The following PDE1C variants were observed in gnomAD, a reference collection of about 807,000 sequenced individuals.
PDE1C encodes the protein phosphodiesterase 1C.
In PDE1C, 62 loss-of-function variants were observed where a neutral mutation model predicts 93.1. The ratio of observed to expected loss-of-function variants is 0.67; its 90% CI spans 0.54 to 0.82. The LOEUF is 0.82. Ranked by LOEUF, PDE1C falls within the 40% of genes least tolerant of loss-of-function variation. The pLI is 0.00. For synonymous variants in PDE1C, 325 were observed against 310.1 expected (o/e 1.05, Z -0.50); for missense variants, 742 against 884.6 (o/e 0.84, Z 2.04).
chr7:31,758,434 TG>T (rs1457862106), intron 17 of PDE1C, among the ~76,000 whole-genome samples: 10 of 152,212 alleles, frequency 6.6e-5, no homozygotes, highest in Non-Finnish European at 1.5e-4. Flanking sequence ...GAGTACCTAT[TG>T]TGTGCTATTG....
At chr7:31,883,304 G>A (rs887164799) in intron 2 of PDE1C, among the ~76,000 whole-genome samples, 4 of 152,186 alleles carry the variant, frequency 2.6e-5, no homozygotes, top group African/African-American at 9.7e-5. Context: ...GGTCTTCCAA[G>A]GGAGTGAATT....
intron 2 of PDE1C, among the ~76,000 whole-genome samples, chr7:31,986,045 G>A (rs1207471440): frequency 6.6e-6 from 1 of 152,114 alleles, no homozygotes; most frequent in Non-Finnish European, 1.5e-5. Context: ...ACTTAAGAGT[G>A]ATTGAATTAT....
chr7:32,247,252 G>A (rs1809031929), intron 1 of PDE1C, among the ~76,000 whole-genome samples: 1 of 121,958 alleles, frequency 8.2e-6, no homozygotes, highest in Non-Finnish European at 1.8e-5. Flanking sequence ...TGAAGCAGTG[G>A]CCACAGACCA....
At chr7:31,997,982 A>G (rs1415063224) in intron 2 of PDE1C, among the ~76,000 whole-genome samples, 1 of 146,514 alleles carries the variant, frequency 6.8e-6, no homozygotes, top group African/African-American at 2.5e-5. Context: ...TGTTAGAAAC[A>G]TCTTATTTTT....
At chr7:31,723,484 C>G in the PDE1C span, among the ~76,000 whole-genome samples, 2 of 152,164 alleles carry the variant, frequency 1.3e-5, no homozygotes, top group African/African-American at 4.8e-5. Context: ...TGTGCTGGGC[C>G]TCCCCAAGTC....
chr7:31,970,102 C>T (rs1034670745), intron 2 of PDE1C, among the ~76,000 whole-genome samples: 1 of 152,012 alleles, frequency 6.6e-6, no homozygotes, highest in Non-Finnish European at 1.5e-5. Flanking sequence ...TGTAACAAAC[C>T]TGCACGTTGT....
chr7:31,765,599 A>G (rs1019386747), intron 17 of PDE1C, among the ~76,000 whole-genome samples: 2 of 152,210 alleles, frequency 1.3e-5, no homozygotes, highest in African/African-American at 4.8e-5. Flanking sequence ...ACATTTCTTC[A>G]AGGTGATAGA....
chr7:31,626,689 C>G, the PDE1C span, among the ~76,000 whole-genome samples: 1,678 of 152,270 alleles, frequency 0.011, 14 homozygotes, highest in Non-Finnish European at 0.016. Context: ...CCTAAAGGGA[C>G]TTAGTTTTAA....
rs114312574 is a variant in PDE1C, at chr7:32,154,532, A to G, written c.308+15253T>C. Among the ~76,000 whole-genome samples the G allele has an allele frequency of 8.4e-3, 1,285 of 152,274 alleles. 16 individuals are homozygous for G. The highest frequency in any genetic ancestry group is 0.029 in the African/African-American group (1,203 of 41,538). The stretch of plus-strand genomic sequence containing the variant: ...ACTACAACCTCACTCAGGTTTCAGG[A>G]GTTTTTATGCCTAGTATTTTTACAT... On this transcript the variant is annotated intron_variant, in intron 3 of 18. Coordinates refer to the PDE1C transcript ENST00000396193.
chr7:31,723,742 T>C, the PDE1C span, among the ~76,000 whole-genome samples: 1 of 152,194 alleles, frequency 6.6e-6, no homozygotes, highest in Non-Finnish European at 1.5e-5. Flanking sequence ...AAATTATTCA[T>C]ATCGGATAAT....
At chr7:32,314,523 C>T (rs1295838629) in intron 1 of PDE1C, among the ~76,000 whole-genome samples, 2 of 152,170 alleles carry the variant, frequency 1.3e-5, no homozygotes, top group African/African-American at 4.8e-5. Context: ...CATGGACTTG[C>T]ACTCACACAT....
intron 2 of PDE1C, among the ~76,000 whole-genome samples, chr7:32,031,557 T>A (rs1255583785): frequency 3.9e-5 from 6 of 152,134 alleles, no homozygotes; most frequent in Admixed American, 2.0e-4. Context: ...TTTGATCATA[T>A]GAGGGAATGA....
At chr7:31,832,821 C>T (rs954386960) in intron 11 of PDE1C, among the ~76,000 whole-genome samples, 18 of 152,084 alleles carry the variant, frequency 1.2e-4, no homozygotes, top group African/African-American at 1.9e-4. Flanking sequence ...TTTTCCTTTA[C>T]GAGGAAAAAA....
chr7:32,262,393 A>G (rs1810275087), intron 1 of PDE1C, among the ~76,000 whole-genome samples: 1 of 152,092 alleles, frequency 6.6e-6, no homozygotes, highest in South Asian at 2.1e-4. Flanking sequence ...GAAGGAGAGA[A>G]AGGAGACGTA....
chr7:31,758,523 AACTC>A (rs1392363101), intron 17 of PDE1C, among the ~76,000 whole-genome samples: 1 of 152,190 alleles, frequency 6.6e-6, no homozygotes, highest in South Asian at 2.1e-4. Flanking sequence ...CGAAACTTTT[AACTC>A]ACTCACAGAA....
the PDE1C span, among the ~76,000 whole-genome samples, chr7:31,657,064 ATATT>A: frequency 2.8e-5 from 1 of 36,310 alleles, no homozygotes; most frequent in African/African-American, 9.7e-5. Flanking sequence ...CGCACTATAT[ATATT>A]ATGTATCATA....
At chr7:32,088,020 TAAA>T (rs1203957819) in intron 3 of PDE1C, among the ~76,000 whole-genome samples, 1 of 142,064 alleles carries the variant, frequency 7.0e-6, no homozygotes, top group African/African-American at 2.5e-5. Flanking sequence ...AATAAAAAAA[TAAA>T]AAATAAAAAA....
chr7:31,893,910 T>G (rs1313148588), intron 2 of PDE1C, among the ~76,000 whole-genome samples: 1 of 152,202 alleles, frequency 6.6e-6, no homozygotes, highest in African/African-American at 2.4e-5. Context: ...CTTCCTCGCT[T>G]AGCATTTCTA....
chr7:31,707,484 CTG>C, the PDE1C span: 4 of 536,906 alleles, frequency 7.5e-6, no homozygotes, highest in Non-Finnish European at 9.8e-6. Context: ...GGTTTCTATT[CTG>C]TGTTTTGAAT....
Sources: allele counts gnomAD v4.1 joint callset (sites outside exome capture counted in the v4.1 genomes callset), GRCh38; gene constraint gnomAD v4.1.1; transcripts MANE v1.5; gene names NCBI Gene and HGNC (gene_info 2026-07-23, HGNC 2026-07-21).